Variants in CSMD1 observed in about 807,000 individuals in gnomAD.
The protein encoded by CSMD1 is CUB and sushi domain-containing protein 1.
CSMD1 carries 213 observed loss-of-function variants against 417.5 expected under a neutral mutation model. The ratio of observed to expected loss-of-function variants is 0.51; its 90% CI spans 0.46 to 0.57. The LOEUF (loss-of-function observed/expected upper bound fraction) is 0.57, where lower values mean the gene tolerates loss of function less well. Among genes scored for constraint, CSMD1 ranks in the 20% least tolerant of loss-of-function variants. CSMD1 has a pLI of 0.00. For missense variants in CSMD1, 6,923 were observed against 4,529.7 expected (o/e 1.53, Z -15.17); for synonymous variants, 2,862 against 1,736.8 (o/e 1.65, Z -16.11).
intron 1 of CSMD1, among the ~76,000 whole-genome samples, chr8:4,689,993 G>T (rs756686858): frequency 6.6e-6 from 1 of 152,236 alleles, no homozygotes; most frequent in Admixed American, 6.5e-5. Flanking sequence ...CTAAAGAATC[G>T]TAATTTAAAA....
chr8:4,066,729 T>G (rs543317312), intron 3 of CSMD1, among the ~76,000 whole-genome samples: 8 of 151,942 alleles, frequency 5.3e-5, no homozygotes, highest in Non-Finnish European at 1.0e-4. Context: ...GGGACGAGAG[T>G]GAAGACTGAG....
intron 18 of CSMD1, among the ~76,000 whole-genome samples, chr8:3,372,406 A>C (rs1472163039): frequency 6.6e-6 from 1 of 152,146 alleles, no homozygotes; most frequent in East Asian, 1.9e-4. Flanking sequence ...CGATCTCATG[A>C]CCTACCTGGG....
intron 1 of CSMD1, among the ~76,000 whole-genome samples, chr8:4,824,426 T>A (rs1799696988): frequency 1.3e-5 from 2 of 152,110 alleles, no homozygotes; most frequent in Non-Finnish European, 2.9e-5. Flanking sequence ...TAACATGTGG[T>A]TCCGGGTAGA....
At chr8:4,024,589 A>T (rs1307835602) in intron 4 of CSMD1, among the ~76,000 whole-genome samples, 1 of 152,074 alleles carries the variant, frequency 6.6e-6, no homozygotes, top group South Asian at 2.1e-4. Flanking sequence ...AAATAATCAT[A>T]TTTTCCCTGC....
intron 2 of CSMD1, among the ~76,000 whole-genome samples, chr8:4,588,563 G>C (rs1799819557): frequency 6.6e-6 from 1 of 151,960 alleles, no homozygotes; most frequent in South Asian, 2.1e-4. Flanking sequence ...CGGAGGCCGA[G>C]TCTGGCGGAT....
At chr8:4,217,676 G>C (rs531198492) in intron 3 of CSMD1, among the ~76,000 whole-genome samples, 2 of 151,980 alleles carry the variant, frequency 1.3e-5, no homozygotes, top group Non-Finnish European at 2.9e-5. Flanking sequence ...AAAAAATTAG[G>C]AGCTAATTTT....
chr8:4,424,139 G>C (rs1172790926), intron 2 of CSMD1, among the ~76,000 whole-genome samples: 5 of 151,950 alleles, frequency 3.3e-5, no homozygotes, highest in African/African-American at 9.7e-5. Context: ...GCTAGACAGA[G>C]TTTCTATGCT....
chr8:4,009,410 A>C lies in CSMD1; in HGVS notation c.611-11300T>G, dbSNP rs552714829. The stretch of plus-strand genomic sequence containing the variant: ...AAACTGCCATGTTTATCATAAAGAA[A>C]AATTGAAATAATCTAAATATTCAAC... On this transcript the variant is annotated intron_variant, in intron 4 of 69. Transcript: ENST00000635120. Among the ~76,000 whole-genome samples the C allele has an allele frequency of 1.1e-4, 17 of 152,336 alleles. No individual in the cohort carries two copies. The East Asian group carries it at 3.1e-3, about 28-fold the overall frequency.
intron 17 of CSMD1, among the ~76,000 whole-genome samples, chr8:3,388,014 C>T (rs1811118079): frequency 6.6e-6 from 1 of 152,138 alleles, no homozygotes; most frequent in South Asian, 2.1e-4. Flanking sequence ...TTCCTGTTTT[C>T]TATTTTTCAC....
At chr8:4,992,174 C>T (rs573426998) in intron 1 of CSMD1, among the ~76,000 whole-genome samples, 2 of 152,292 alleles carry the variant, frequency 1.3e-5, no homozygotes, top group South Asian at 2.1e-4. Context: ...CCTGTTCGCC[C>T]CAGAATCATC....
intron 5 of CSMD1, among the ~76,000 whole-genome samples, chr8:3,901,195 C>A (rs1319501981): frequency 6.6e-6 from 1 of 151,990 alleles, no homozygotes; most frequent in African/African-American, 2.4e-5. Context: ...ATTTATTGAT[C>A]ATTCTTCCTG....
chr8:4,334,905 G>C (rs773444124), intron 3 of CSMD1, among the ~76,000 whole-genome samples: 1 of 151,982 alleles, frequency 6.6e-6, no homozygotes, highest in African/African-American at 2.4e-5. Flanking sequence ...GTGTCAGTGA[G>C]GACCCACTTT....
At chr8:4,384,592 C>G (rs886533728) in intron 3 of CSMD1, among the ~76,000 whole-genome samples, 2 of 152,172 alleles carry the variant, frequency 1.3e-5, no homozygotes, top group Non-Finnish European at 2.9e-5. Context: ...AAAAGGCATA[C>G]ATTTCTGGAA....
chr8:4,100,077 G>C (rs1435264994), intron 3 of CSMD1, among the ~76,000 whole-genome samples: 1 of 151,988 alleles, frequency 6.6e-6, no homozygotes, highest in African/African-American at 2.4e-5. Flanking sequence ...AAGAAATTTG[G>C]GTTAATCCAG....
At chr8:3,383,448 T>C (rs1001125569) in intron 18 of CSMD1, among the ~76,000 whole-genome samples, 12 of 149,018 alleles carry the variant, frequency 8.1e-5, no homozygotes, top group African/African-American at 2.5e-4. Flanking sequence ...GAAGCCTTCT[T>C]CCACACTAGA....
chr8:4,243,524 G>A (rs1204835765), intron 3 of CSMD1, among the ~76,000 whole-genome samples: 1 of 152,020 alleles, frequency 6.6e-6, no homozygotes, highest in South Asian at 2.1e-4. Flanking sequence ...GCTTATCTTT[G>A]TAACCAGAGA....
At chr8:4,591,755 C>G (rs1337645427) in intron 2 of CSMD1, among the ~76,000 whole-genome samples, 1 of 152,048 alleles carries the variant, frequency 6.6e-6, no homozygotes, top group East Asian at 1.9e-4. Context: ...GGGATAGGAT[C>G]TGTTTTGGAA....
chr8:3,088,408 T>C (rs889709274), intron 48 of CSMD1, among the ~76,000 whole-genome samples: 2 of 152,162 alleles, frequency 1.3e-5, no homozygotes, highest in Non-Finnish European at 2.9e-5. Context: ...ATCTTCCACT[T>C]CCCTCTGGGG....
chr8:4,416,567 C>T (rs1363498923), intron 3 of CSMD1, among the ~76,000 whole-genome samples: 4 of 151,934 alleles, frequency 2.6e-5, no homozygotes, highest in Non-Finnish European at 5.9e-5. Context: ...ATTTAGCTTA[C>T]GTTTTTACTA....
Sources: gnomAD v4.1 joint callset for allele counts (sites outside exome capture counted in the v4.1 genomes callset) on GRCh38, gnomAD v4.1.1 for gene constraint, MANE v1.5 for transcripts, NCBI Gene and HGNC (gene_info 2026-07-23, HGNC 2026-07-21) for gene names.